The following MYRIP variants were observed in gnomAD, a reference collection of about 807,000 sequenced individuals.
MYRIP encodes the protein rab effector MyRIP.
Under a neutral mutation model 98.0 loss-of-function variants are expected in MYRIP, and 49 were observed. The ratio of observed to expected loss-of-function variants is 0.50; its 90% confidence interval spans 0.40 to 0.63. The LOEUF (loss-of-function observed/expected upper bound fraction) is 0.63. Ranked by LOEUF, MYRIP falls within the 30% of genes least tolerant of loss-of-function variation. The pLI is 0.00. For synonymous variants in MYRIP, 404 were observed against 409.5 expected (o/e 0.99, Z 0.16); for missense variants, 1,004 against 1,058.2 (o/e 0.95, Z 0.71).
intron 12 of MYRIP, among the ~76,000 whole-genome samples, chr3:40,236,933 C>T (rs1952842532): frequency 6.6e-6 from 1 of 152,088 alleles, no homozygotes; most frequent in Non-Finnish European, 1.5e-5. Flanking sequence ...CCTGCCTTGG[C>T]CTCCCACAGG....
chr3:40,220,561 A>G (rs887998246), intron 11 of MYRIP, among the ~76,000 whole-genome samples: 1 of 152,222 alleles, frequency 6.6e-6, no homozygotes, highest in Non-Finnish European at 1.5e-5. Flanking sequence ...AGTTAAGAAG[A>G]CATAGTGCTT....
chr3:40,165,756 T>TA lies in MYRIP; in HGVS notation c.551-1073dup, dbSNP rs3063826. 8.3e-5 allele frequency among the ~76,000 whole-genome samples: 12 copies of TA among 144,160 alleles called. No individual in the cohort carries two copies. In the South Asian group the frequency reaches 1.8e-3, roughly 21 times the overall value. 94.6% of individuals were successfully genotyped at this position (144,160 alleles called of 152,430 possible). ...TTTTCTCTCATTTGTTGCCATATCT[T>TA]AAAAAAAAAAAAAAAAAGTTCACTA... On this transcript the variant is annotated intron_variant, in intron 5 of 16. Coordinates refer to ENST00000302541, the MANE Select transcript of MYRIP (RefSeq NM_015460.4).
At chr3:40,218,612 T>TATATATATATATATAA (rs1553629190) in intron 11 of MYRIP, among the ~76,000 whole-genome samples, 1 of 13,562 alleles carries the variant, frequency 7.4e-5, no homozygotes, top group African/African-American at 1.3e-4. Flanking sequence ...TATATATATT[T>TATATATATATATATAA]TATATATATA....
chr3:39,978,060 G>A (rs1439021023), intron 2 of MYRIP, among the ~76,000 whole-genome samples: 3 of 152,016 alleles, frequency 2.0e-5, no homozygotes, highest in Admixed American at 6.6e-5. Context: ...CCTGATATAC[G>A]AATTTACTGT....
chr3:40,144,335 C>T (rs2125565281), intron 3 of MYRIP, among the ~76,000 whole-genome samples: 1 of 152,360 alleles, frequency 6.6e-6, no homozygotes, highest in East Asian at 1.9e-4. Context: ...AAGCTCCCAG[C>T]TCAACCCCAA....
intron 2 of MYRIP, among the ~76,000 whole-genome samples, chr3:40,016,752 T>G (rs1946870189): frequency 6.6e-6 from 1 of 152,230 alleles, no homozygotes. Context: ...TCAAACTTAA[T>G]GTCTCCCAAC....
At chr3:39,991,794 C>T (rs947737486) in intron 2 of MYRIP, among the ~76,000 whole-genome samples, 3 of 151,930 alleles carry the variant, frequency 2.0e-5, no homozygotes, top group African/African-American at 7.3e-5. Context: ...TTTCTGTAGC[C>T]CTTATCACTT....
At chr3:39,954,938 A>C (rs977217755) in intron 2 of MYRIP, among the ~76,000 whole-genome samples, 4 of 152,168 alleles carry the variant, frequency 2.6e-5, no homozygotes, top group African/African-American at 7.2e-5. Flanking sequence ...TTGAAGATCA[A>C]ATTAATAAAG....
At chr3:40,218,612 T>TTTATATATATATATA (rs1337574787) in intron 11 of MYRIP, among the ~76,000 whole-genome samples, 13 of 13,518 alleles carry the variant, frequency 9.6e-4, no homozygotes, top group Non-Finnish European at 2.9e-3. Flanking sequence ...TATATATATT[T>TTTATATATATATATA]TATATATATA....
intron 2 of MYRIP, among the ~76,000 whole-genome samples, chr3:39,969,386 C>A (rs1316780773): frequency 1.3e-5 from 2 of 152,086 alleles, no homozygotes; most frequent in Non-Finnish European, 2.9e-5. Flanking sequence ...GAGAGGGCAT[C>A]CTTGTCATGT....
rs142602661 is a variant in MYRIP, at chr3:40,226,278, G to A, written c.1906-7581G>A. Among the ~76,000 whole-genome samples, 3 of 152,092 alleles carry A rather than the reference G, an allele frequency of 2.0e-5. No homozygotes were observed. The East Asian group carries it at 5.8e-4, about 29-fold the overall frequency. ...CTAGTGAACCCTTCCTTCTCTCCTGGTATTTAAATCTTTAATGCATCAATT... is the reference window on the plus strand; with the variant it reads ...CTAGTGAACCCTTCCTTCTCTCCTGATATTTAAATCTTTAATGCATCAATT... On this transcript the variant is annotated intron_variant, in intron 11 of 16. Coordinates refer to ENST00000302541, the MANE Select transcript of MYRIP (RefSeq NM_015460.4).
chr3:39,949,459 A>G (rs1008290212), intron 2 of MYRIP, among the ~76,000 whole-genome samples: 1 of 152,164 alleles, frequency 6.6e-6, no homozygotes, highest in Non-Finnish European at 1.5e-5. Context: ...TGGTAATAAA[A>G]TTATATATTA....
chr3:39,959,659 A>G lies in MYRIP; in HGVS notation c.110+58733A>G, dbSNP rs1311516829. Among the ~76,000 whole-genome samples the G allele has an allele frequency of 5.4e-5, 8 of 149,106 alleles. No homozygotes were observed. In the South Asian group the frequency reaches 8.5e-4, roughly 16 times the overall value. On this transcript the variant is annotated intron_variant, in intron 2 of 16. Coordinates refer to ENST00000302541, the MANE Select transcript of MYRIP (RefSeq NM_015460.4). Reference sequence around the variant, plus strand: ...GTACATTGTGCACATGTACCCTAGTACTTAAAGTATACTTTAAAAAAAAAA... The same window carrying G: ...GTACATTGTGCACATGTACCCTAGTGCTTAAAGTATACTTTAAAAAAAAAA...
At chr3:39,933,118 C>T (rs1430390432) in intron 2 of MYRIP, among the ~76,000 whole-genome samples, 3 of 152,120 alleles carry the variant, frequency 2.0e-5, no homozygotes, top group South Asian at 2.1e-4. Flanking sequence ...ATTTATTCAC[C>T]CATCATTGCA....
intron 8 of MYRIP, among the ~76,000 whole-genome samples, chr3:40,180,187 A>G (rs1209264651): frequency 5.3e-5 from 8 of 152,216 alleles, no homozygotes; most frequent in African/African-American, 1.7e-4. Flanking sequence ...TCCTCCAAGT[A>G]AAACCTTGCT....
At position 40,187,719 on chromosome 3, in the gene MYRIP, C is replaced by T. The variant is rs74491042; in HGVS notation, c.1028-2107C>T. Among the ~76,000 whole-genome samples, 335 of 152,342 alleles carry T rather than the reference C, an allele frequency of 2.2e-3. 2 individuals carry two copies. The Middle Eastern group carries it at 0.024, about 11-fold the overall frequency. ...GAGATGCCTGAGATCCAGGCCCTGCCTCAGGGACCTTGTCCTCATACTCAG... is the reference window on the plus strand; with the variant it reads ...GAGATGCCTGAGATCCAGGCCCTGCTTCAGGGACCTTGTCCTCATACTCAG... On this transcript the variant is annotated intron_variant, in intron 9 of 16. Coordinates refer to ENST00000302541, the MANE Select transcript of MYRIP (RefSeq NM_015460.4).
At chr3:39,841,605 T>C (rs1221478997) in intron 1 of MYRIP, among the ~76,000 whole-genome samples, 1 of 152,160 alleles carries the variant, frequency 6.6e-6, no homozygotes, top group Non-Finnish European at 1.5e-5. Flanking sequence ...CTGCCTTTGG[T>C]CTTTTATATT....
At chr3:40,135,625 G>A (rs1949747302) in intron 3 of MYRIP, among the ~76,000 whole-genome samples, 1 of 152,180 alleles carries the variant, frequency 6.6e-6, no homozygotes, top group African/African-American at 2.4e-5. Context: ...GTTAAGGGCA[G>A]CCAGAGAGAA....
intron 1 of MYRIP, among the ~76,000 whole-genome samples, chr3:39,852,868 C>A (rs1458061810): frequency 1.3e-5 from 2 of 152,200 alleles, no homozygotes; most frequent in Admixed American, 6.5e-5. Context: ...GCAACCTCTG[C>A]CTTCTGGGTT....
Sources: gnomAD v4.1 joint callset for allele counts (sites outside exome capture counted in the v4.1 genomes callset) on GRCh38, gnomAD v4.1.1 for gene constraint, MANE v1.5 for transcripts, NCBI Gene and HGNC (gene_info 2026-07-23, HGNC 2026-07-21) for gene names.